The following CLYBL variants were observed in gnomAD, a reference collection of about 807,000 sequenced individuals.
The protein encoded by CLYBL is citramalyl-CoA lyase, mitochondrial.
A neutral mutation model predicts 38.9 loss-of-function variants in CLYBL; 31 were observed. The observed-to-expected ratio is 0.80, with a 90% CI of 0.60 to 1.08. The LOEUF (loss-of-function observed/expected upper bound fraction) is 1.08. CLYBL is among the 50% of genes least tolerant of loss of function. CLYBL has a pLI of 0.00. For missense variants in CLYBL, 434 were observed against 411.6 expected, an observed-to-expected ratio of 1.05 and a Z score of -0.47; for synonymous variants, 171 against 158.6, an observed-to-expected ratio of 1.08 and a Z score of -0.59.
intron 2 of CLYBL, among the ~76,000 whole-genome samples, chr13:99,853,450 A>G (rs1038533770): frequency 6.6e-6 from 1 of 152,260 alleles, no homozygotes; most frequent in African/African-American, 2.4e-5. Context: ...ACGCTTTGTA[A>G]GATGAATCAG....
chr13:99,627,363 G>A lies in CLYBL; in HGVS notation c.62+20606G>A, dbSNP rs142934466. On this transcript the variant is annotated intron_variant, in intron 1 of 8. Coordinates refer to ENST00000339105, the MANE Select transcript of CLYBL (RefSeq NM_206808.5). Reference sequence around the variant, plus strand: ...GAATAAATTAACCTTGCATTTTCTCGGCAGGTCAGTTAGTGGGTGTTATAT... The same window carrying A: ...GAATAAATTAACCTTGCATTTTCTCAGCAGGTCAGTTAGTGGGTGTTATAT... 7.9e-3 allele frequency among the ~76,000 whole-genome samples: 1,195 copies of A among 152,166 alleles called. 7 individuals carry two copies. The highest frequency in any genetic ancestry group is 0.016 in the South Asian group (77 of 4,810).
chr13:99,880,068 A>ATATATATATTTTT (rs34063235), intron 7 of CLYBL, among the ~76,000 whole-genome samples: 1 of 101,210 alleles, frequency 9.9e-6, no homozygotes, highest in African/African-American at 4.1e-5. Flanking sequence ...ATATATATAT[A>ATATATATATTTTT]TTTTTTTTTT....
At chr13:99,832,670 G>A (rs1416588704) in intron 2 of CLYBL, among the ~76,000 whole-genome samples, 1 of 152,034 alleles carries the variant, frequency 6.6e-6, no homozygotes, top group African/African-American at 2.4e-5. Context: ...TCCCTTAAGT[G>A]GACTGGGCAA....
intron 1 of CLYBL, among the ~76,000 whole-genome samples, chr13:99,685,299 C>G (rs2047800483): frequency 6.6e-6 from 1 of 151,958 alleles, no homozygotes; most frequent in Non-Finnish European, 1.5e-5. Flanking sequence ...GGGAAAAAGC[C>G]TATTATGTGT....
At chr13:99,900,153 C>A (rs1486941218), downstream of CLYBL, among the ~76,000 whole-genome samples, 1 of 152,000 alleles carries the variant, frequency 6.6e-6, no homozygotes, top group Non-Finnish European at 1.5e-5. Context: ...ACTCGAGCTC[C>A]TAACCTCAGG....
chr13:99,755,534 C>T (rs1218650823), intron 1 of CLYBL, among the ~76,000 whole-genome samples: 1 of 152,142 alleles, frequency 6.6e-6, no homozygotes, highest in Non-Finnish European at 1.5e-5. Flanking sequence ...CTGATATGGG[C>T]GCCCTCACTC....
intron 1 of CLYBL, among the ~76,000 whole-genome samples, chr13:99,673,693 C>A (rs928206353): frequency 6.6e-6 from 1 of 152,136 alleles, no homozygotes; most frequent in East Asian, 1.9e-4. Flanking sequence ...GAGGCCAGAT[C>A]GCTGGAAGGA....
In CLYBL at chr13:99,871,065, A is replaced by G; in HGVS notation, c.927+3A>G. 2 of 1,613,918 alleles carry G rather than the reference A, an allele frequency of 1.2e-6. No homozygotes were observed. The highest frequency in any genetic ancestry group is 1.7e-6 in the Non-Finnish European group (2 of 1,179,802). ...AAGAACATCAACAATTAGGAAAGGT[A>G]AATGTTTTGTTAATGCCTTGGGTGA... On this transcript the variant is annotated splice_donor_region_variant and intron_variant, in intron 7 of 8. Transcript: ENST00000339105.
intron 1 of CLYBL, among the ~76,000 whole-genome samples, chr13:99,755,725 C>A (rs975062652): frequency 3.9e-5 from 6 of 152,124 alleles, no homozygotes; most frequent in Non-Finnish European, 7.3e-5. Flanking sequence ...ATGAAGTCTC[C>A]CAGAGGGTGA....
rs112399018 is a variant in CLYBL, at chr13:99,903,271, G to T, written c.*25-1999G>T. 8.2e-3 allele frequency among the ~76,000 whole-genome samples: 1,253 copies of T among 152,328 alleles called. 19 individuals are homozygous for T. The highest frequency in any genetic ancestry group is 0.028 in the African/African-American group (1,154 of 41,578). Reference sequence around the variant, plus strand: ...TCAGGAGCCTGCTGGCCCCATGGCCGCAGTCTGCCACCATCTGTCTTTAAA... The same window carrying T: ...TCAGGAGCCTGCTGGCCCCATGGCCTCAGTCTGCCACCATCTGTCTTTAAA... On this transcript the variant is annotated intron_variant and NMD_transcript_variant, in intron 8 of 9. Coordinates refer to the CLYBL transcript ENST00000689673.
Position 99,730,366 on chromosome 13 carries a change from C to T in CLYBL, c.63-42458C>T, listed in dbSNP as rs944879135. 2.6e-5 allele frequency among the ~76,000 whole-genome samples: 4 copies of T among 152,360 alleles called. No individual in the cohort carries two copies. In the South Asian group the frequency reaches 6.2e-4, roughly 24 times the overall value. On this transcript the variant is annotated intron_variant, in intron 1 of 8. Coordinates refer to ENST00000339105, the MANE Select transcript of CLYBL (RefSeq NM_206808.5). ...TCAGGCCCAGGGGAGGTGCAGCACG[C>T]TCATGGGGGCAGCCCAGCACTGCCC...
chr13:99,827,566 C>A (rs1265123662), intron 2 of CLYBL, among the ~76,000 whole-genome samples: 3 of 152,246 alleles, frequency 2.0e-5, no homozygotes, highest in East Asian at 3.9e-4. Flanking sequence ...AGTAATCAGC[C>A]CAGGGGCTAC....
At chr13:99,698,193 G>A (rs1189017635) in intron 1 of CLYBL, among the ~76,000 whole-genome samples, 1 of 151,992 alleles carries the variant, frequency 6.6e-6, no homozygotes, top group Non-Finnish European at 1.5e-5. Flanking sequence ...TTTTGTTTGT[G>A]TTTTTGTTTG....
chr13:99,627,062 A>G (rs1175393081), intron 1 of CLYBL, among the ~76,000 whole-genome samples: 1 of 151,722 alleles, frequency 6.6e-6, no homozygotes, highest in Non-Finnish European at 1.5e-5. Flanking sequence ...GTGCATAAAA[A>G]TATGCCAGAA....
chr13:99,846,174 G>T (rs79541915), intron 2 of CLYBL, among the ~76,000 whole-genome samples: 2,459 of 151,304 alleles, frequency 0.016, 69 homozygotes, highest in African/African-American at 0.056. Context: ...TAAAATAAAT[G>T]ATCTAAAGGA....
At chr13:99,728,040 T>G (rs2048510366) in intron 1 of CLYBL, among the ~76,000 whole-genome samples, 1 of 152,152 alleles carries the variant, frequency 6.6e-6, no homozygotes, top group Admixed American at 6.5e-5. Flanking sequence ...ATCATGCCAC[T>G]GCATGTCAGC....
chr13:99,630,938 T>G (rs1198179946), intron 1 of CLYBL, among the ~76,000 whole-genome samples: 4 of 152,110 alleles, frequency 2.6e-5, no homozygotes, highest in Admixed American at 2.0e-4. Flanking sequence ...CCCCTGTTTC[T>G]GAAGCATGTT....
chr13:99,663,611 G>A (rs562964471), intron 1 of CLYBL, among the ~76,000 whole-genome samples: 5 of 152,286 alleles, frequency 3.3e-5, no homozygotes, highest in South Asian at 2.1e-4. Flanking sequence ...ACCAAGCATC[G>A]ATACTGTGTG....
At chr13:99,743,148 T>C (rs1460804779) in intron 1 of CLYBL, among the ~76,000 whole-genome samples, 1 of 152,110 alleles carries the variant, frequency 6.6e-6, no homozygotes, top group Non-Finnish European at 1.5e-5. Context: ...GCAGGGCCAT[T>C]TTAAGTATTT....
Sources: gnomAD v4.1 joint callset for allele counts (sites outside exome capture counted in the v4.1 genomes callset) on GRCh38, gnomAD v4.1.1 for gene constraint, MANE v1.5 for transcripts, NCBI Gene and HGNC (gene_info 2026-07-23, HGNC 2026-07-21) for gene names.